Variants in SEC24D observed in about 807,000 individuals in gnomAD.
The protein encoded by SEC24D is SEC24 homolog D, COPII component.
Under a neutral mutation model 116.9 loss-of-function variants are expected in SEC24D, and 69 were observed. The ratio of observed to expected loss-of-function variants is 0.59; its 90% CI spans 0.49 to 0.72. The LOEUF is 0.72. SEC24D is among the 30% of genes least tolerant of loss of function. SEC24D has a pLI of 0.00. For missense variants in SEC24D, 1,131 were observed against 1,264.1 expected (o/e 0.89, Z 1.60); for synonymous variants, 405 against 442.8 (o/e 0.91, Z 1.07).
At chr4:118,761,071 T>C (rs574162865) in intron 10 of SEC24D, among the ~76,000 whole-genome samples, 3 of 152,226 alleles carry the variant, frequency 2.0e-5, no homozygotes, top group Non-Finnish European at 2.9e-5. Context: ...CATTTTCTCA[T>C]AGTTGGACAA....
At chr4:118,730,719 T>A (rs557858551) in intron 21 of SEC24D, 1 of 152,422 alleles carries the variant, frequency 6.6e-6, no homozygotes, top group African/African-American at 2.4e-5. Context: ...TTGTATTAAT[T>A]TAACATCAAA....
intron 10 of SEC24D, among the ~76,000 whole-genome samples, chr4:118,759,849 T>TCC (rs1168662713): frequency 6.6e-6 from 1 of 152,176 alleles, no homozygotes; most frequent in Non-Finnish European, 1.5e-5. Flanking sequence ...TCATCATGAT[T>TCC]CCTTTTGAGC....
chr4:118,759,144 T>C (rs765742933), intron 10 of SEC24D, among the ~76,000 whole-genome samples: 3 of 152,222 alleles, frequency 2.0e-5, no homozygotes, highest in Non-Finnish European at 4.4e-5. Flanking sequence ...ACAGAAATGC[T>C]TCACTATAAC....
At chr4:118,731,626 T>G in intron 20 of SEC24D, 119 bp from the exon 21 acceptor site, 1 of 738,310 alleles carries the variant, frequency 1.4e-6, no homozygotes, top group Non-Finnish European at 2.3e-6. Flanking sequence ...GTACCTATTA[T>G]GTGCCAGACT....
chr4:118,792,216 C>A (rs997848236), intron 8 of SEC24D, among the ~76,000 whole-genome samples: 1 of 151,710 alleles, frequency 6.6e-6, no homozygotes, highest in African/African-American at 2.4e-5. Flanking sequence ...TGACCGGCCG[C>A]CCCGTCTGGG....
At chr4:118,781,250 G>C (rs1400276483) in intron 8 of SEC24D, among the ~76,000 whole-genome samples, 1 of 152,080 alleles carries the variant, frequency 6.6e-6, no homozygotes, top group Non-Finnish European at 1.5e-5. Context: ...CATGTTTAGT[G>C]CTTCCTTCAG....
chr4:118,803,226 G>A (rs1412602374), intron 7 of SEC24D, among the ~76,000 whole-genome samples: 1 of 152,156 alleles, frequency 6.6e-6, no homozygotes, highest in Non-Finnish European at 1.5e-5. Flanking sequence ...CCACTGAATT[G>A]TATACTTAAA....
chr4:118,723,685 C>G lies in SEC24D; in HGVS notation c.2959-30G>C. 3.1e-6 allele frequency: 5 copies of G among 1,587,424 alleles called. 1 individual carries two copies. The highest frequency in any genetic ancestry group is 1.7e-4 in the Middle Eastern group (1 of 5,890). On this transcript the variant is annotated intron_variant, in intron 22 of 22. Transcript: ENST00000280551. ...GAAAAAAAAAACAAAACAGTAACAG[C>G]CCCTGGTTATAAACATTATTTGAAA...
At chr4:118,747,236 A>G (rs1560630161) in intron 13 of SEC24D, among the ~76,000 whole-genome samples, 1 of 149,492 alleles carries the variant, frequency 6.7e-6, no homozygotes, top group East Asian at 2.0e-4. Context: ...CTGAAATTCT[A>G]TGACTGTGAA....
At chr4:118,761,220 A>G (rs1368892422) in intron 10 of SEC24D, among the ~76,000 whole-genome samples, 1 of 152,150 alleles carries the variant, frequency 6.6e-6, no homozygotes, top group Non-Finnish European at 1.5e-5. Context: ...GAGTCCTCAG[A>G]GCCTAGCACA....
intron 13 of SEC24D, among the ~76,000 whole-genome samples, chr4:118,747,495 A>G (rs988493888): frequency 6.6e-6 from 1 of 152,114 alleles, no homozygotes; most frequent in Non-Finnish European, 1.5e-5. Context: ...CGAACTCCCA[A>G]CCTCAGGTGA....
Position 118,757,799 on chromosome 4 carries a change from ACATCAAT to A in SEC24D, c.1336_1342del (p.Ile446PhefsTer6). The A allele has an allele frequency of 3.1e-6, 5 of 1,612,104 alleles. No homozygotes were observed. The highest frequency in any genetic ancestry group is 4.2e-6 in the Non-Finnish European group (5 of 1,178,900). On this transcript the variant is annotated frameshift_variant, in exon 11 of 23. Coordinates refer to ENST00000280551, the MANE Select transcript of SEC24D (RefSeq NM_014822.4). LOFTEE classifies it high-confidence loss of function. ...TCCATTCTTTATGTTACTATATGAA[ACATCAAT>A]CATGAAGATAAAGGCTGGTGGGTTG...
intron 8 of SEC24D, among the ~76,000 whole-genome samples, chr4:118,784,923 CA>C (rs1419831062): frequency 6.6e-6 from 1 of 152,068 alleles, no homozygotes; most frequent in Non-Finnish European, 1.5e-5. Flanking sequence ...CTAGTCAGTG[CA>C]GCTGTTTTTA....
At chr4:118,761,455 A>C (rs1727374387) in intron 10 of SEC24D, among the ~76,000 whole-genome samples, 1 of 152,254 alleles carries the variant, frequency 6.6e-6, no homozygotes, top group Non-Finnish European at 1.5e-5. Flanking sequence ...CCAGGGGAAA[A>C]TAAAAAGATA....
At chr4:118,741,125 T>C in intron 15 of SEC24D, 88 bp from the exon 16 acceptor site, 1 of 629,676 alleles carries the variant, frequency 1.6e-6, no homozygotes, top group Non-Finnish European at 2.6e-6. Flanking sequence ...GTTATAATAA[T>C]TATTTTTAAA....
chr4:118,731,277 T>G (rs747724219), intron 21 of SEC24D, 39 bp downstream of exon 21: 1 of 1,534,566 alleles, frequency 6.5e-7, no homozygotes, highest in South Asian at 1.1e-5. Context: ...GAATTTATAT[T>G]TTTCATATTA....
At chr4:118,814,051 G>A (rs1730032986) in intron 6 of SEC24D, among the ~76,000 whole-genome samples, 1 of 152,138 alleles carries the variant, frequency 6.6e-6, no homozygotes, top group African/African-American at 2.4e-5. Context: ...AGCTTTTCCT[G>A]CTCCTTTATT....
chr4:118,795,730 A>G (rs1338582844), intron 8 of SEC24D, among the ~76,000 whole-genome samples: 2 of 152,164 alleles, frequency 1.3e-5, no homozygotes, highest in Non-Finnish European at 2.9e-5. Flanking sequence ...ACAGAAAACA[A>G]TCACAACTGT....
chr4:118,812,883 A>C lies in SEC24D; in HGVS notation c.801+2145T>G, dbSNP rs145110859. ...CACCCTGTAACACACGCCCACTGGGACTTCAGCTGTAAACATTCACCCCTA... is the reference window on the plus strand; with the variant it reads ...CACCCTGTAACACACGCCCACTGGGCCTTCAGCTGTAAACATTCACCCCTA... On this transcript the variant is annotated intron_variant, in intron 6 of 22. Coordinates refer to ENST00000280551, the MANE Select transcript of SEC24D (RefSeq NM_014822.4). 5.9e-3 allele frequency among the ~76,000 whole-genome samples: 894 copies of C among 152,190 alleles called. 12 individuals are homozygous for C. Among genetic ancestry groups the C allele is most frequent in the African/African-American group, 0.021 (861 of 41,510 alleles).
Sources: allele counts gnomAD v4.1 joint callset (sites outside exome capture counted in the v4.1 genomes callset), GRCh38; gene constraint gnomAD v4.1.1; transcripts MANE v1.5; gene names NCBI Gene and HGNC (gene_info 2026-07-23, HGNC 2026-07-21).